Variants in ARHGAP31 observed in about 807,000 individuals in gnomAD.
ARHGAP31 encodes the protein Rho GTPase activating protein 31.
A neutral mutation model predicts 113.9 loss-of-function variants in ARHGAP31; 34 were observed. That is an observed-to-expected ratio of 0.30 (90% CI 0.23 to 0.40). ARHGAP31 has a LOEUF of 0.40. Among genes scored for constraint, ARHGAP31 ranks in the 10% least tolerant of loss-of-function variants. The pLI, the probability that ARHGAP31 is intolerant of heterozygous loss-of-function variation, is 1.00. For missense variants in ARHGAP31, 1,548 were observed against 1,767.1 expected (o/e 0.88, Z 2.22); for synonymous variants, 650 against 684.8 (o/e 0.95, Z 0.79).
chr3:119,364,345 A>G (rs1345405177), intron 1 of ARHGAP31, among the ~76,000 whole-genome samples: 2 of 152,200 alleles, frequency 1.3e-5, no homozygotes, highest in East Asian at 3.9e-4. Context: ...TTTTCCTTCG[A>G]ATTTTTTTAA....
At chr3:119,387,538 G>A (rs934081511) in intron 6 of ARHGAP31, among the ~76,000 whole-genome samples, 6 of 152,072 alleles carry the variant, frequency 3.9e-5, no homozygotes, top group Admixed American at 1.3e-4. Context: ...GTGGCTTGCC[G>A]CCCACAGCTT....
At chr3:119,413,814 A>G in intron 11 of ARHGAP31, 42 bp from the exon 12 acceptor site, 1 of 1,614,138 alleles carries the variant, frequency 6.2e-7, no homozygotes, top group Non-Finnish European at 8.5e-7. Flanking sequence ...CAGCACCCAG[A>G]GTACTTAGTT....
At chr3:119,380,421 ATTC>A (rs2080386200) in intron 3 of ARHGAP31, among the ~76,000 whole-genome samples, 1 of 151,702 alleles carries the variant, frequency 6.6e-6, no homozygotes, top group African/African-American at 2.4e-5. Context: ...TCATTCATTC[ATTC>A]ATTCATGTTT....
intron 2 of ARHGAP31, among the ~76,000 whole-genome samples, chr3:119,366,930 C>T (rs539099367): frequency 3.9e-5 from 6 of 151,980 alleles, no homozygotes; most frequent in East Asian, 1.9e-4. Context: ...GATGAAACTC[C>T]GTCTCTACTA....
chr3:119,413,579 A>C (rs950173320), intron 11 of ARHGAP31, among the ~76,000 whole-genome samples: 3 of 152,210 alleles, frequency 2.0e-5, no homozygotes, highest in Non-Finnish European at 4.4e-5. Flanking sequence ...TAAATTGTTT[A>C]ATCTATTTGA....
intron 1 of ARHGAP31, among the ~76,000 whole-genome samples, chr3:119,349,313 A>T (rs58622897): frequency 0.14 from 20,718 of 152,130 alleles, 1,658 homozygotes; most frequent in African/African-American, 0.23. Context: ...GCACCATAAA[A>T]TAGTGTCCAG....
chr3:119,311,772 G>C (rs1442158645), intron 1 of ARHGAP31, among the ~76,000 whole-genome samples: 1 of 152,214 alleles, frequency 6.6e-6, no homozygotes, highest in Non-Finnish European at 1.5e-5. Flanking sequence ...GAATGTGGGA[G>C]ACAGGGTCAC....
chr3:119,415,593 G>T lies in ARHGAP31; in HGVS notation c.3664G>T (p.Gly1222Trp), dbSNP rs1224653105. ...ACAGCCCCTGCCCTCTCAGAGCTCAGGGGAGAATGGGGTTCAGCCTCTGGA... is the reference window on the plus strand; with the variant it reads ...ACAGCCCCTGCCCTCTCAGAGCTCATGGGAGAATGGGGTTCAGCCTCTGGA... ...IPQPLPSQSS[G>W]ENGVQPLERS... Residue 1222 changes from glycine (G) to tryptophan (W), a missense_variant, in exon 12 of 12, where the codon GGG (glycine) becomes TGG (tryptophan). By Grantham distance (184) the Gly-to-Trp change is radical (BLOSUM62 -2). Coordinates refer to ENST00000264245, the MANE Select transcript of ARHGAP31 (RefSeq NM_020754.4). 6.2e-7 allele frequency: 1 copy of T among 1,614,130 alleles called. No homozygotes were observed. Among genetic ancestry groups the T allele is most frequent in the Admixed American group, 1.7e-5 (1 of 60,026 alleles).
intron 1 of ARHGAP31, among the ~76,000 whole-genome samples, chr3:119,357,302 G>A (rs1159507640): frequency 6.6e-6 from 1 of 152,166 alleles, no homozygotes; most frequent in African/African-American, 2.4e-5. Flanking sequence ...TGGAGAAGAG[G>A]CAATGGGCTC....
chr3:119,350,599 A>ATCTCACT (rs2080102783), intron 1 of ARHGAP31, among the ~76,000 whole-genome samples: 1 of 152,188 alleles, frequency 6.6e-6, no homozygotes, highest in Non-Finnish European at 1.5e-5. Context: ...CAGTGCAGAG[A>ATCTCACT]GGACCTTCAG....
intron 8 of ARHGAP31, among the ~76,000 whole-genome samples, chr3:119,394,752 C>T (rs1050833768): frequency 1.3e-5 from 2 of 151,862 alleles, no homozygotes; most frequent in Non-Finnish European, 2.9e-5. Context: ...CCCAGGAGTT[C>T]GAGACCAGCC....
chr3:119,376,655 A>G (rs2080351588), intron 3 of ARHGAP31, among the ~76,000 whole-genome samples: 1 of 151,914 alleles, frequency 6.6e-6, no homozygotes, highest in Non-Finnish European at 1.5e-5. Flanking sequence ...ACCTCTGATT[A>G]TCCTATCTAC....
intron 1 of ARHGAP31, among the ~76,000 whole-genome samples, chr3:119,300,910 G>T (rs1691217184): frequency 6.6e-6 from 1 of 151,990 alleles, no homozygotes; most frequent in African/African-American, 2.4e-5. Context: ...AGCTGAAGCA[G>T]AAGTCAGGTC....
At chr3:119,328,944 A>G (rs1258727504) in intron 1 of ARHGAP31, among the ~76,000 whole-genome samples, 2 of 152,250 alleles carry the variant, frequency 1.3e-5, no homozygotes, top group African/African-American at 4.8e-5. Context: ...AAACCATGTA[A>G]GTAAATATGT....
At chr3:119,405,587 T>A (rs2080653710) in intron 10 of ARHGAP31, among the ~76,000 whole-genome samples, 1 of 152,122 alleles carries the variant, frequency 6.6e-6, no homozygotes. Flanking sequence ...CTCAGGAGGC[T>A]GAGGAATGTC....
intron 1 of ARHGAP31, among the ~76,000 whole-genome samples, chr3:119,302,725 T>C (rs1380722121): frequency 6.6e-6 from 1 of 152,244 alleles, no homozygotes; most frequent in African/African-American, 2.4e-5. Flanking sequence ...AAGATCTGTA[T>C]GACTCCTAAG....
chr3:119,312,490 G>A (rs912162874), intron 1 of ARHGAP31, among the ~76,000 whole-genome samples: 1 of 151,988 alleles, frequency 6.6e-6, no homozygotes, highest in Non-Finnish European at 1.5e-5. Context: ...CTTCATCTTT[G>A]TCATTTCCCC....
Position 119,365,414 on chromosome 3 carries a change from C to T in ARHGAP31, c.199C>T (p.Leu67=). Reference sequence around the variant, plus strand: ...AGGAGTCACCTCAAACATACAACGGCTAAGGTAAGCTAAAAGAATAGCCCT... The same window carrying T: ...AGGAGTCACCTCAAACATACAACGGTTAAGGTAAGCTAAAAGAATAGCCCT... ...LSGVTSNIQR[L]RQEFGSDQCP... Residue 67 remains leucine, a synonymous_variant, in exon 2 of 12, where the codon CTA becomes TTA. Coordinates refer to ENST00000264245, the MANE Select transcript of ARHGAP31 (RefSeq NM_020754.4). The T allele has an allele frequency of 6.2e-7, 1 of 1,612,926 alleles. No homozygotes were observed. Among genetic ancestry groups the T allele is most frequent in the Non-Finnish European group, 8.5e-7 (1 of 1,179,062 alleles).
At chr3:119,332,592 C>T (rs2079902116) in intron 1 of ARHGAP31, among the ~76,000 whole-genome samples, 1 of 146,102 alleles carries the variant, frequency 6.8e-6, no homozygotes. Flanking sequence ...GGATCTCTTT[C>T]TCTCTCTCTC....
Sources: gnomAD v4.1 joint callset for allele counts (sites outside exome capture counted in the v4.1 genomes callset) on GRCh38, gnomAD v4.1.1 for gene constraint, MANE v1.5 for transcripts, NCBI Gene and HGNC (gene_info 2026-07-23, HGNC 2026-07-21) for gene names.